Variants in POLR3H observed in about 807,000 individuals in gnomAD.
POLR3H encodes DNA-directed RNA polymerase III subunit RPC8.
In POLR3H, 17 loss-of-function variants were observed where a neutral mutation model predicts 25.5. The ratio of observed to expected loss-of-function variants is 0.67; its 90% CI spans 0.46 to 1.00. POLR3H has a LOEUF of 1.00. Ranked by LOEUF, POLR3H falls within the 50% of genes least tolerant of loss-of-function variation. The pLI is 0.00. For synonymous variants in POLR3H, 129 were observed against 103.0 expected (o/e 1.25, Z -1.53); for missense variants, 274 against 265.0 (o/e 1.03, Z -0.24).
rs1644498267 is a variant in POLR3H, at chr22:41,526,961, AT to A, written c.*2321del. On this transcript the variant is annotated 3_prime_UTR_variant, in exon 6 of 6. Coordinates refer to ENST00000355209, the MANE Select transcript of POLR3H (RefSeq NM_001018050.4). Reference sequence around the variant, plus strand: ...GGGGCGCCTTGAGCTTCACAGATGCATCTTGTGTGGGGCCCGGAGGCCGTCC... The same window carrying A: ...GGGGCGCCTTGAGCTTCACAGATGCACTTGTGTGGGGCCCGGAGGCCGTCC... 1 of 436,210 alleles carries A rather than the reference AT, an allele frequency of 2.3e-6. No homozygotes were observed. Among genetic ancestry groups the A allele is most frequent in the African/African-American group, 2.0e-5 (1 of 49,550 alleles). 27.0% of individuals were successfully genotyped at this position (436,210 alleles called of 1,614,324 possible).
intron 4 of POLR3H, 95 bp from the exon 5 acceptor site, chr22:41,530,983 G>C: frequency 8.3e-7 from 1 of 1,198,808 alleles, no homozygotes; most frequent in Admixed American, 1.8e-5. Flanking sequence ...CAATCTCAGG[G>C]TGAGATCACT....
At position 41,529,088 on chromosome 22, in the gene POLR3H, A is replaced by C. The variant is rs1029000587; in HGVS notation, c.*195T>G. On this transcript the variant is annotated 3_prime_UTR_variant, in exon 6 of 6. Transcript: ENST00000355209. The stretch of plus-strand genomic sequence containing the variant: ...GCCCAACAGCCACAGCCACAGATGG[A>C]TCCATCACTGCAGTGAAGGAGGAGC... 16 of 592,242 alleles carry C rather than the reference A, an allele frequency of 2.7e-5. No homozygotes were observed. The highest frequency in any genetic ancestry group is 4.8e-5 in the Non-Finnish European group (16 of 333,628). 36.7% of individuals were successfully genotyped at this position (592,242 alleles called of 1,614,324 possible).
In POLR3H at chr22:41,530,788, C is replaced by A; in HGVS notation, c.460G>T (p.Asp154Tyr). ...GGGGACGTGTCAACAAAGCTCTCGT[C>A]CACCACCCGGAAGCGGATCTCCTCG... Reference protein sequence around the residue: ...TGEEIRFRVVDESFVDTSPTG... With the variant: ...TGEEIRFRVVYESFVDTSPTG... Residue 154 changes from aspartate (D) to tyrosine (Y), a missense_variant, in exon 5 of 6, where the codon GAC (aspartate) becomes TAC (tyrosine). Asp to Tyr is a radical substitution (Grantham distance 160). Transcript: ENST00000355209. 1 of 1,614,130 alleles carries A rather than the reference C, an allele frequency of 6.2e-7. No individual in the cohort carries two copies. The highest frequency in any genetic ancestry group is 1.1e-5 in the South Asian group (1 of 91,082).
At position 41,542,083 on chromosome 22, in the gene POLR3H, CCTT is replaced by C. The variant is rs1484747115; in HGVS notation, c.112-1291_112-1289del. Among the ~76,000 whole-genome samples, 9 of 151,208 alleles carry C rather than the reference CCTT, an allele frequency of 6.0e-5. No individual in the cohort carries two copies. In the East Asian group the frequency reaches 7.7e-4, roughly 13 times the overall value. On this transcript the variant is annotated intron_variant, in intron 1 of 5. Coordinates refer to ENST00000355209, the MANE Select transcript of POLR3H (RefSeq NM_001018050.4). ...TCCACACCATGGTGGGTATTTTACC[CCTT>C]CTTCTTTTTTTTTTGAAGCGAAGTT... is the stretch of plus-strand genomic sequence containing the variant.
chr22:41,528,699 C>A lies in POLR3H; in HGVS notation c.*584G>T. 6.5e-7 allele frequency: 1 copy of A among 1,529,558 alleles called. No individual in the cohort carries two copies. Among genetic ancestry groups the A allele is most frequent in the South Asian group, 1.2e-5 (1 of 80,978 alleles). 94.7% of individuals were successfully genotyped at this position (1,529,558 alleles called of 1,614,324 possible). A position where few individuals can be genotyped will look rare whatever the true frequency, so the allele number is the denominator to read the frequency against. ...GATCCGATCCGTCCAGCCATGGCTT[C>A]CTATTCCAAGATGGTGTGACCAGAC... On this transcript the variant is annotated 3_prime_UTR_variant, in exon 6 of 6. Transcript: ENST00000355209.
In POLR3H at chr22:41,526,030, A is replaced by G; in HGVS notation, c.*3253T>C. 2.1e-6 allele frequency: 1 copy of G among 485,582 alleles called. No homozygotes were observed. Among genetic ancestry groups the G allele is most frequent in the Non-Finnish European group, 3.7e-6 (1 of 271,186 alleles). The allele number at this position is 485,582 out of a possible 1,614,324, so 30.1% of individuals were successfully genotyped here. On this transcript the variant is annotated 3_prime_UTR_variant, in exon 6 of 6. Coordinates refer to ENST00000355209, the MANE Select transcript of POLR3H (RefSeq NM_001018050.4). ...AACTTTGGGCGGCCTCTGCCCCATA[A>G]GGGAGACTGAGCAGCCAGAGGCCTT...
chr22:41,532,610 C>T, intron 3 of POLR3H, 49 bp downstream of exon 3: 8 of 1,613,584 alleles, frequency 5.0e-6, no homozygotes, highest in Non-Finnish European at 6.8e-6. Flanking sequence ...AGACCTCCTG[C>T]CCCCACAGTG....
chr22:41,526,145 C>T lies in POLR3H; in HGVS notation c.*3138G>A, dbSNP rs2066589931. 3 of 863,332 alleles carry T rather than the reference C, an allele frequency of 3.5e-6. No individual in the cohort carries two copies. Among genetic ancestry groups the T allele is most frequent in the Non-Finnish European group, 3.6e-6 (2 of 553,382 alleles). 53.5% of individuals were successfully genotyped at this position (863,332 alleles called of 1,614,324 possible). A position where few individuals can be genotyped will look rare whatever the true frequency, so the allele number is the denominator to read the frequency against. Reference sequence around the variant, plus strand: ...CACGTGTCTGAAGACTTGCCTGCCTCTCACCCCTCTGTCACCCCTCCTGGG... The same window carrying T: ...CACGTGTCTGAAGACTTGCCTGCCTTTCACCCCTCTGTCACCCCTCCTGGG... On this transcript the variant is annotated 3_prime_UTR_variant, in exon 6 of 6. Coordinates refer to ENST00000355209, the MANE Select transcript of POLR3H (RefSeq NM_001018050.4).
rs1470058748 is a variant in POLR3H, at chr22:41,532,030, G to A, written c.359+64C>T. 10 of 1,469,318 alleles carry A rather than the reference G, an allele frequency of 6.8e-6. No individual in the cohort carries two copies. In the South Asian group the frequency reaches 1.0e-4, roughly 15 times the overall value. The allele number at this position is 1,469,318 out of a possible 1,614,324, so 91.0% of individuals were successfully genotyped here. On this transcript the variant is annotated intron_variant, in intron 4 of 5. Coordinates refer to ENST00000355209, the MANE Select transcript of POLR3H (RefSeq NM_001018050.4). ...GGCCCCAAAGGCCACCCTAAGGAGT[G>A]GGGACCTTCCTTTGGAGAGGCCTGA...
chr22:41,530,166 G>A (rs2066698496), intron 5 of POLR3H, among the ~76,000 whole-genome samples: 1 of 151,610 alleles, frequency 6.6e-6, no homozygotes, highest in African/African-American at 2.4e-5. Context: ...ATTTCATTGT[G>A]TTGCCCAAGC....
rs912698346 is a variant in POLR3H, at chr22:41,544,051, C to T, written c.51G>A (p.Gln17=). The change falls in exon 1 of 6, where the codon CAG becomes CAA. Residue 17 remains glutamine, a synonymous_variant. Transcript: ENST00000355209. ...MVDTVRIPPW[Q]FERKLNDSIA... ...TGGAGTCGTTGAGCTTCCTCTCAAACTGCCAAGGGGGGATCCGGACGGTGT... is the reference window on the plus strand; with the variant it reads ...TGGAGTCGTTGAGCTTCCTCTCAAATTGCCAAGGGGGGATCCGGACGGTGT... The T allele has an allele frequency of 6.3e-6, 10 of 1,587,016 alleles. No homozygotes were observed. In the African/African-American group the frequency reaches 1.1e-4, roughly 17 times the overall value.
At position 41,530,836 on chromosome 22, in the gene POLR3H, G is replaced by A; in HGVS notation, c.412C>T (p.His138Tyr). 1.2e-6 allele frequency: 2 copies of A among 1,614,102 alleles called. No homozygotes were observed. Among genetic ancestry groups the A allele is most frequent in the Non-Finnish European group, 1.7e-6 (2 of 1,180,042 alleles). ...TCGCCGGTGTCCATGTAGAGGTCGT[G>A]TGCTCCTTCCTCCGTCTCGTACTCC... ...VWEYETEEGA[H>Y]DLYMDTGEEI... Residue 138 changes from histidine (H) to tyrosine (Y), a missense_variant, in exon 5 of 6, where the codon CAC becomes TAC. Coordinates refer to ENST00000355209, the MANE Select transcript of POLR3H (RefSeq NM_001018050.4).
intron 5 of POLR3H, 125 bp downstream of exon 5, chr22:41,530,562 C>T (rs1484478973): frequency 6.8e-6 from 6 of 876,862 alleles, no homozygotes; most frequent in Non-Finnish European, 1.0e-5. Context: ...CAGCCAAGAC[C>T]CCCCAAACAG....
intron 2 of POLR3H, among the ~76,000 whole-genome samples, chr22:41,534,013 C>T (rs1444553636): frequency 6.6e-6 from 1 of 152,162 alleles, no homozygotes; most frequent in East Asian, 1.9e-4. Context: ...TACCAGGTGC[C>T]TATGATCCCA....
upstream of POLR3H, chr22:41,544,475 G>A (rs1463833456): frequency 2.0e-5 from 3 of 151,942 alleles, no homozygotes; most frequent in East Asian, 3.8e-4. Flanking sequence ...GCGACTGCGG[G>A]CGAGATTCCG....
intron 1 of POLR3H, chr22:41,543,666 A>G: frequency 2.2e-6 from 1 of 451,764 alleles, no homozygotes; most frequent in Non-Finnish European, 4.3e-6. Flanking sequence ...AACAACAACA[A>G]AAACAATGCA....
At chr22:41,530,615 G>C in intron 5 of POLR3H, 72 bp downstream of exon 5, 1 of 1,412,702 alleles carries the variant, frequency 7.1e-7, no homozygotes, top group Non-Finnish European at 9.6e-7. Context: ...AGAAGCCCCA[G>C]GACACAGCTT....
chr22:41,533,241 C>G (rs73420825), intron 2 of POLR3H, among the ~76,000 whole-genome samples: 3 of 152,318 alleles, frequency 2.0e-5, no homozygotes, highest in African/African-American at 7.2e-5. Context: ...CAGGTGGTCC[C>G]CACTCACCTG....
chr22:41,537,210 G>A, intron 2 of POLR3H, among the ~76,000 whole-genome samples: 1 of 152,184 alleles, frequency 6.6e-6, no homozygotes, highest in Non-Finnish European at 1.5e-5. Context: ...CGGGGCGCTA[G>A]ACCACAGCTT....
Sources: allele counts gnomAD v4.1 joint callset (sites outside exome capture counted in the v4.1 genomes callset), GRCh38; gene constraint gnomAD v4.1.1; transcripts MANE v1.5; gene names NCBI Gene and HGNC (gene_info 2026-07-23, HGNC 2026-07-21).